TNFSF13B: variants seen among roughly 807,000 people sequenced by gnomAD.
The protein encoded by TNFSF13B is tumor necrosis factor ligand superfamily member 13B.
Under a neutral mutation model 29.1 loss-of-function variants are expected in TNFSF13B, and 8 were observed. The observed-to-expected ratio is 0.27, with a 90% confidence interval of 0.16 to 0.50. The LOEUF (loss-of-function observed/expected upper bound fraction) is 0.50. TNFSF13B is among the 20% of genes least tolerant of loss of function. TNFSF13B has a pLI of 0.98. For synonymous variants in TNFSF13B, 125 were observed against 130.8 expected (o/e 0.96, Z 0.30); for missense variants, 248 against 334.9 (o/e 0.74, Z 2.03).
chr13:108,306,298 C>T (rs1044523227), intron 5 of TNFSF13B, among the ~76,000 whole-genome samples: 2 of 151,962 alleles, frequency 1.3e-5, no homozygotes, highest in Admixed American at 1.3e-4. Flanking sequence ...AGTCGGGACT[C>T]TCAAGAAAAA....
Position 108,297,268 on chromosome 13 carries a change from C to T in TNFSF13B, c.482-5985C>T, listed in dbSNP as rs930190666. ...ATTCAGTACTTTAAATATGTAATTC[C>T]CCTGGCTTCTGGCCTCCATGGTTTT... On this transcript the variant is annotated intron_variant, in intron 3 of 5. Transcript: ENST00000375887. 4.8e-5 allele frequency among the ~76,000 whole-genome samples: 7 copies of T among 145,482 alleles called. 1 individual carries two copies. Among genetic ancestry groups the T allele is most frequent in the African/African-American group, 1.8e-4 (7 of 38,796 alleles).
chr13:108,293,773 G>T (rs1881389505), intron 3 of TNFSF13B, among the ~76,000 whole-genome samples: 2 of 152,162 alleles, frequency 1.3e-5, no homozygotes, highest in South Asian at 4.1e-4. Context: ...CTGGAGGCTG[G>T]AAAATTCAAG....
intron 3 of TNFSF13B, among the ~76,000 whole-genome samples, chr13:108,295,994 A>AAAT (rs1221685470): frequency 6.8e-6 from 1 of 146,438 alleles, no homozygotes; most frequent in Non-Finnish European, 1.5e-5. Context: ...TTAAAATTTA[A>AAAT]TGAGAATTAT....
At chr13:108,290,185 T>C (rs1007590914) in intron 3 of TNFSF13B, among the ~76,000 whole-genome samples, 3 of 152,120 alleles carry the variant, frequency 2.0e-5, no homozygotes, top group African/African-American at 7.2e-5. Flanking sequence ...TACTTAACAA[T>C]GTATATTGCA....
chr13:108,280,932 G>C (rs1481617003), intron 2 of TNFSF13B, among the ~76,000 whole-genome samples: 2 of 152,136 alleles, frequency 1.3e-5, no homozygotes, highest in African/African-American at 2.4e-5. Context: ...GGCCTCTAAT[G>C]CCGAGGTATT....
intron 3 of TNFSF13B, chr13:108,302,745 T>G: frequency 3.5e-6 from 3 of 852,844 alleles, no homozygotes; most frequent in Non-Finnish European, 4.2e-6. Flanking sequence ...GTAAAGGTTG[T>G]GTCTTAGTCA....
At chr13:108,289,002 A>G (rs1881225898) in intron 3 of TNFSF13B, among the ~76,000 whole-genome samples, 1 of 152,134 alleles carries the variant, frequency 6.6e-6, no homozygotes, top group African/African-American at 2.4e-5. Flanking sequence ...ACTACTTGTA[A>G]ATCTATTATT....
At chr13:108,276,807 A>G (rs1336725278) in intron 2 of TNFSF13B, among the ~76,000 whole-genome samples, 1 of 152,194 alleles carries the variant, frequency 6.6e-6, no homozygotes, top group Non-Finnish European at 1.5e-5. Context: ...GATTTTTAAA[A>G]TAAATTCAAA....
At chr13:108,288,263 TATTA>T (rs997883631) in intron 3 of TNFSF13B, among the ~76,000 whole-genome samples, 2 of 152,226 alleles carry the variant, frequency 1.3e-5, no homozygotes, top group Non-Finnish European at 2.9e-5. Flanking sequence ...AGTTTACATT[TATTA>T]ATTAAGAATA....
At position 108,303,538 on chromosome 13, in the gene TNFSF13B, G is replaced by C; in HGVS notation, c.679G>C (p.Val227Leu). 1 of 1,613,764 alleles carries C rather than the reference G, an allele frequency of 6.2e-7. No homozygotes were observed. Among genetic ancestry groups the C allele is most frequent in the South Asian group, 1.1e-5 (1 of 91,072 alleles). The change falls in exon 5 of 6, where the codon GTG becomes CTG. Residue 227 changes from valine to leucine, a missense_variant. Coordinates refer to ENST00000375887, the MANE Select transcript of TNFSF13B (RefSeq NM_006573.5). Reference sequence around the variant, plus strand: ...TGTCTTTGGGGATGAATTGAGTCTGGTGACTTTGTTTCGATGTATTCAAAA... The same window carrying C: ...TGTCTTTGGGGATGAATTGAGTCTGCTGACTTTGTTTCGATGTATTCAAAA... The part of the protein sequence containing the change: ...VHVFGDELSL[V>L]TLFRCIQNMP...
rs959061538 is a variant in TNFSF13B, at chr13:108,307,114, A to G, written c.*176A>G. 3 of 522,806 alleles carry G rather than the reference A, an allele frequency of 5.7e-6. No homozygotes were observed. The highest frequency in any genetic ancestry group is 4.1e-5 in the African/African-American group (2 of 49,376). 32.4% of individuals were successfully genotyped at this position (522,806 alleles called of 1,614,324 possible). On this transcript the variant is annotated 3_prime_UTR_variant, in exon 6 of 6. Coordinates refer to ENST00000375887, the MANE Select transcript of TNFSF13B (RefSeq NM_006573.5). ...TGCTGAAACTAGTCCAAAACAGGAA[A>G]TTTAACAGACAGCCACAGCCAAAGA...
intron 2 of TNFSF13B, among the ~76,000 whole-genome samples, chr13:108,272,003 A>G (rs1566396532): frequency 6.6e-6 from 1 of 152,156 alleles, no homozygotes; most frequent in Non-Finnish European, 1.5e-5. Context: ...TCCGACTGCC[A>G]TATTGTTTTC....
At position 108,270,061 on chromosome 13, in the gene TNFSF13B, C is replaced by T. The variant is rs746966553; in HGVS notation, c.166C>T (p.Leu56=). The T allele has an allele frequency of 2.5e-6, 4 of 1,609,324 alleles. No homozygotes were observed. Among genetic ancestry groups the T allele is most frequent in the Admixed American group, 1.7e-5 (1 of 60,030 alleles). Residue 56 remains leucine, a synonymous_variant, in exon 1 of 6, where the codon CTG becomes TTG. Coordinates refer to ENST00000375887, the MANE Select transcript of TNFSF13B (RefSeq NM_006573.5). ...GCTGGCTGCAACCTTGCTGCTGGCA[C>T]TGCTGTCTTGCTGCCTCACGGTGGT... is the stretch of plus-strand genomic sequence containing the variant. ...KLLAATLLLA[L]LSCCLTVVSF...
At chr13:108,272,424 T>G (rs1880644937) in intron 2 of TNFSF13B, among the ~76,000 whole-genome samples, 1 of 152,092 alleles carries the variant, frequency 6.6e-6, no homozygotes, top group Non-Finnish European at 1.5e-5. Flanking sequence ...AAAAATACAT[T>G]TGTTCATGTT....
intron 2 of TNFSF13B, among the ~76,000 whole-genome samples, chr13:108,273,791 A>G (rs940626172): frequency 2.6e-4 from 39 of 152,172 alleles, no homozygotes; most frequent in African/African-American, 9.4e-4. Flanking sequence ...AAAATGCGAT[A>G]GTGATGCTGG....
chr13:108,285,751 T>C (rs527457550), intron 2 of TNFSF13B, among the ~76,000 whole-genome samples: 1 of 152,320 alleles, frequency 6.6e-6, no homozygotes, highest in African/African-American at 2.4e-5. Flanking sequence ...TCATAAAATG[T>C]ATACATTGAG....
intron 2 of TNFSF13B, among the ~76,000 whole-genome samples, chr13:108,285,512 A>G (rs1881101017): frequency 6.6e-6 from 1 of 152,224 alleles, no homozygotes; most frequent in Admixed American, 6.5e-5. Flanking sequence ...ACTGTATTGA[A>G]TATTGTAGGC....
At chr13:108,293,008 A>C (rs947506743) in intron 3 of TNFSF13B, among the ~76,000 whole-genome samples, 6 of 152,174 alleles carry the variant, frequency 3.9e-5, no homozygotes, top group African/African-American at 1.4e-4. Context: ...CAAATTCAAC[A>C]TCATGATTCA....
chr13:108,282,453 G>A (rs1052935751), intron 2 of TNFSF13B, among the ~76,000 whole-genome samples: 2 of 152,018 alleles, frequency 1.3e-5, no homozygotes, highest in African/African-American at 2.4e-5. Flanking sequence ...CTGATTAAAT[G>A]GTATTTAGAC....
Sources: gnomAD v4.1 joint callset for allele counts (sites outside exome capture counted in the v4.1 genomes callset) on GRCh38, gnomAD v4.1.1 for gene constraint, MANE v1.5 for transcripts, NCBI Gene and HGNC (gene_info 2026-07-23, HGNC 2026-07-21) for gene names.